The following PGAP1 variants were observed in gnomAD, a reference collection of about 807,000 sequenced individuals.
The protein encoded by PGAP1 is GPI inositol-deacylase.
PGAP1 carries 76 observed loss-of-function variants against 127.0 expected under a neutral mutation model. The observed-to-expected ratio is 0.60, with a 90% CI of 0.50 to 0.72. The LOEUF (loss-of-function observed/expected upper bound fraction) is 0.72. Ranked by LOEUF, PGAP1 falls within the 30% of genes least tolerant of loss-of-function variation. The pLI, the probability that PGAP1 is intolerant of heterozygous loss-of-function variation, is 0.00. For synonymous variants in PGAP1, 362 were observed against 366.5 expected, an observed-to-expected ratio of 0.99 and a Z score of 0.14; for missense variants, 982 against 1,071.3, an observed-to-expected ratio of 0.92 and a Z score of 1.16.
chr2:196,872,826 G>T, intron 17 of PGAP1, 134 bp downstream of exon 17: 2 of 575,974 alleles, frequency 3.5e-6, no homozygotes, highest in South Asian at 2.5e-5. Context: ...TAAATTATAG[G>T]AACAATGCTA....
At chr2:196,853,948 TG>T (rs1268053980) in intron 20 of PGAP1, among the ~76,000 whole-genome samples, 3 of 144,802 alleles carry the variant, frequency 2.1e-5, no homozygotes, top group Non-Finnish European at 4.5e-5. Context: ...AGGAGTGCAA[TG>T]GTACAATCAT....
chr2:196,890,483 T>C (rs1702061385), intron 10 of PGAP1, among the ~76,000 whole-genome samples: 1 of 152,152 alleles, frequency 6.6e-6, no homozygotes, highest in African/African-American at 2.4e-5. Flanking sequence ...AAAATTCCTA[T>C]TGAATAGCTT....
At chr2:196,867,975 A>G (rs902806453) in intron 19 of PGAP1, among the ~76,000 whole-genome samples, 1 of 152,222 alleles carries the variant, frequency 6.6e-6, no homozygotes, top group African/African-American at 2.4e-5. Context: ...ATACATGACA[A>G]GCTGGGAAAT....
chr2:196,925,410 AAT>A (rs1703328537), intron 1 of PGAP1, among the ~76,000 whole-genome samples: 1 of 152,344 alleles, frequency 6.6e-6, no homozygotes, highest in African/African-American at 2.4e-5. Context: ...GTATTTTATC[AAT>A]ATATGTTATA....
chr2:196,861,122 G>A (rs373667265), intron 20 of PGAP1, among the ~76,000 whole-genome samples: 63 of 152,142 alleles, frequency 4.1e-4, no homozygotes, highest in African/African-American at 1.4e-3. Flanking sequence ...GGGAAAACTG[G>A]ATATTTATAT....
At chr2:196,885,648 C>G (rs1321682751) in intron 11 of PGAP1, among the ~76,000 whole-genome samples, 173 bp from the exon 12 acceptor site, 1 of 152,016 alleles carries the variant, frequency 6.6e-6, no homozygotes, top group East Asian at 1.9e-4. Flanking sequence ...AATGTTTTTC[C>G]CAGCTAATTT....
chr2:196,880,060 T>A lies in PGAP1; in HGVS notation c.1350+16A>T. 6.4e-7 allele frequency: 1 copy of A among 1,564,532 alleles called. No individual in the cohort carries two copies. The highest frequency in any genetic ancestry group is 1.4e-5 in the African/African-American group (1 of 73,756). On this transcript the variant is annotated intron_variant, in intron 13 of 26. Coordinates refer to ENST00000354764, the MANE Select transcript of PGAP1 (RefSeq NM_024989.4). ...TCTCCAAAACATTCTAATAACAATC[T>A]TAACCCACTTGTTACCTTACTTCCA...
At chr2:196,920,358 T>C (rs1703147666) in intron 1 of PGAP1, among the ~76,000 whole-genome samples, 1 of 152,144 alleles carries the variant, frequency 6.6e-6, no homozygotes, top group Non-Finnish European at 1.5e-5. Flanking sequence ...TTTTGAACCA[T>C]GTAGTCTTTA....
Position 196,833,664 on chromosome 2 carries a change from G to T in PGAP1, c.*7570C>A, listed in dbSNP as rs987851326. The T allele has an allele frequency of 6.6e-6, 1 of 152,084 alleles. No individual in the cohort carries two copies. Among genetic ancestry groups the T allele is most frequent in the Non-Finnish European group, 1.5e-5 (1 of 67,966 alleles). The allele number at this position is 152,084 out of a possible 1,614,324, so 9.4% of individuals were successfully genotyped here. A position where few individuals can be genotyped will look rare whatever the true frequency, so the allele number is the denominator to read the frequency against. ...TGTTTTTAGAGAAATCTATATTTTT[G>T]TCTGGCGAGTAGGTAGTGGAGGTAA... On this transcript the variant is annotated 3_prime_UTR_variant, in exon 27 of 27. Coordinates refer to ENST00000354764, the MANE Select transcript of PGAP1 (RefSeq NM_024989.4).
intron 20 of PGAP1, among the ~76,000 whole-genome samples, chr2:196,856,380 T>C (rs1700884183): frequency 6.6e-6 from 1 of 152,164 alleles, no homozygotes; most frequent in Non-Finnish European, 1.5e-5. Context: ...ATTATGTTTC[T>C]AAATAAAAGC....
intron 20 of PGAP1, among the ~76,000 whole-genome samples, chr2:196,863,608 T>A (rs76362743): frequency 0.01 from 1,538 of 152,036 alleles, 23 homozygotes; most frequent in African/African-American, 0.035. Context: ...GGTTAATGGG[T>A]ATAAAAATAC....
intron 10 of PGAP1, among the ~76,000 whole-genome samples, chr2:196,887,584 C>T (rs868484433): frequency 7.2e-5 from 11 of 152,108 alleles, no homozygotes; most frequent in Admixed American, 2.6e-4. Context: ...ACAGATAGGA[C>T]AACCAAGAAA....
chr2:196,861,326 A>G (rs1221103813), intron 20 of PGAP1, among the ~76,000 whole-genome samples: 1 of 152,184 alleles, frequency 6.6e-6, no homozygotes, highest in African/African-American at 2.4e-5. Context: ...AAATGAGATA[A>G]TATCAGGCTA....
intron 12 of PGAP1, 28 bp downstream of exon 12, chr2:196,885,388 TCAACTGAA>T: frequency 6.8e-7 from 1 of 1,460,816 alleles, no homozygotes; most frequent in African/African-American, 1.4e-5. Context: ...AGTATTTTTT[TCAACTGAA>T]TATTAAAATT....
chr2:196,920,009 T>C lies in PGAP1; in HGVS notation c.289A>G (p.Ser97Gly). ...PVLFLPGNAG[S>G]YKQVRSIGSI... ...CAGTAAGACTTACCTTGCTTATAACTTCCAGCATTACCAGGAAGAAAGAGA... is the reference window on the plus strand; with the variant it reads ...CAGTAAGACTTACCTTGCTTATAACCTCCAGCATTACCAGGAAGAAAGAGA... Residue 97 changes from serine to glycine, a missense_variant, in exon 2 of 27, where the codon AGT becomes GGT. Coordinates refer to ENST00000354764, the MANE Select transcript of PGAP1 (RefSeq NM_024989.4). 6.2e-7 allele frequency: 1 copy of C among 1,608,668 alleles called. No homozygotes were observed. The highest frequency in any genetic ancestry group is 1.3e-5 in the African/African-American group (1 of 74,794).
At chr2:196,855,793 C>T (rs1559335454) in intron 20 of PGAP1, among the ~76,000 whole-genome samples, 1 of 151,946 alleles carries the variant, frequency 6.6e-6, no homozygotes, top group African/African-American at 2.4e-5. Flanking sequence ...AAAAATCTGT[C>T]CTCTCTTTAT....
chr2:196,856,804 T>G (rs1046814881), intron 20 of PGAP1, among the ~76,000 whole-genome samples: 1 of 152,228 alleles, frequency 6.6e-6, no homozygotes, highest in African/African-American at 2.4e-5. Flanking sequence ...ATTTGATGTA[T>G]TCAACTGGTT....
intron 8 of PGAP1, among the ~76,000 whole-genome samples, 181 bp downstream of exon 8, chr2:196,892,959 T>C (rs1364607928): frequency 6.6e-6 from 1 of 152,070 alleles, no homozygotes; most frequent in East Asian, 1.9e-4. Flanking sequence ...TCTTTTTCCC[T>C]TCCTAACCAA....
At chr2:196,858,332 A>C (rs1700954619) in intron 20 of PGAP1, among the ~76,000 whole-genome samples, 1 of 151,780 alleles carries the variant, frequency 6.6e-6, no homozygotes, top group Non-Finnish European at 1.5e-5. Flanking sequence ...AACCAGGGAG[A>C]CAGAGCTTGC....
Sources: gnomAD v4.1 joint callset for allele counts (sites outside exome capture counted in the v4.1 genomes callset) on GRCh38, gnomAD v4.1.1 for gene constraint, MANE v1.5 for transcripts, NCBI Gene and HGNC (gene_info 2026-07-23, HGNC 2026-07-21) for gene names.